GLG1: variants seen among roughly 807,000 people sequenced by gnomAD.
GLG1 encodes Golgi apparatus protein 1.
Under a neutral mutation model 160.5 loss-of-function variants are expected in GLG1, and 38 were observed. That is an observed-to-expected ratio of 0.24 (90% confidence interval 0.18 to 0.31). The LOEUF (loss-of-function observed/expected upper bound fraction) is 0.31, where lower values mean the gene tolerates loss of function less well. Ranked by LOEUF, GLG1 falls within the 10% of genes least tolerant of loss-of-function variation. The pLI is 1.00. For synonymous variants in GLG1, 644 were observed against 543.4 expected (o/e 1.19, Z -2.57); for missense variants, 1,373 against 1,505.2 (o/e 0.91, Z 1.45).
At chr16:74,520,353 G>A (rs770975553) in intron 2 of GLG1, among the ~76,000 whole-genome samples, 1 of 152,058 alleles carries the variant, frequency 6.6e-6, no homozygotes, top group African/African-American at 2.4e-5. Flanking sequence ...TTAAAAACAC[G>A]TGGCCGGAGA....
rs559454956 is a variant in GLG1 at position 74,555,803 on chromosome 16, G to A, written c.439-23650C>T. Among the ~76,000 whole-genome samples, 7 of 151,134 alleles carry A rather than the reference G, an allele frequency of 4.6e-5. No individual in the cohort carries two copies. In the East Asian group the frequency reaches 7.8e-4, roughly 17 times the overall value. On this transcript the variant is annotated intron_variant, in intron 1 of 25. Transcript: ENST00000422840. ...AAATCAAGTCACTAAGTCACACAAA[G>A]ACAATTATAGCTGGTGATAATTCAT...
At chr16:74,560,651 T>C (rs2018486164) in intron 1 of GLG1, among the ~76,000 whole-genome samples, 1 of 152,104 alleles carries the variant, frequency 6.6e-6, no homozygotes, top group Non-Finnish European at 1.5e-5. Flanking sequence ...TAAAAACTCT[T>C]TATAAAAGGC....
At chr16:74,502,874 A>AT (rs1162220615) in intron 4 of GLG1, among the ~76,000 whole-genome samples, 1 of 149,204 alleles carries the variant, frequency 6.7e-6, no homozygotes, top group Admixed American at 6.7e-5. Context: ...CCGGCCAGTA[A>AT]TTTTTTTTAT....
intron 1 of GLG1, among the ~76,000 whole-genome samples, chr16:74,594,765 A>ACT: frequency 6.6e-6 from 1 of 152,142 alleles, no homozygotes; most frequent in Middle Eastern, 3.4e-3. Flanking sequence ...TTTGAGACAG[A>ACT]CTCTCACTCT....
chr16:74,562,803 T>G (rs1287613478), intron 1 of GLG1, among the ~76,000 whole-genome samples: 1 of 152,156 alleles, frequency 6.6e-6, no homozygotes, highest in Non-Finnish European at 1.5e-5. Flanking sequence ...ACCCACCCAC[T>G]GAGGACATTC....
At chr16:74,488,215 G>A (rs934025221) in intron 8 of GLG1, among the ~76,000 whole-genome samples, 6 of 152,018 alleles carry the variant, frequency 3.9e-5, no homozygotes, top group African/African-American at 1.5e-4. Context: ...AGGTATGGAA[G>A]TCTGCTGTAT....
At chr16:74,463,296 A>T in intron 20 of GLG1, 60 bp downstream of exon 20, 1 of 1,558,038 alleles carries the variant, frequency 6.4e-7, no homozygotes, top group Non-Finnish European at 8.8e-7. Flanking sequence ...GTCACTCTAC[A>T]GCCACTGAAT....
Position 74,545,754 on chromosome 16 carries a change from C to A in GLG1, c.439-13601G>T, listed in dbSNP as rs2018027616. Among the ~76,000 whole-genome samples, 8 of 152,314 alleles carry A rather than the reference C, an allele frequency of 5.3e-5. No homozygotes were observed. In the South Asian group the frequency reaches 1.7e-3, roughly 32 times the overall value. On this transcript the variant is annotated intron_variant, in intron 1 of 25. Coordinates refer to ENST00000422840, the MANE Select transcript of GLG1 (RefSeq NM_001145667.2). ...ATGCAGACATCTTTTAACATGCAAA[C>A]AAACCAAGAGGGTATTGGTTAACTA...
At chr16:74,563,789 T>C (rs1344204204) in intron 1 of GLG1, among the ~76,000 whole-genome samples, 1 of 151,766 alleles carries the variant, frequency 6.6e-6, no homozygotes, top group African/African-American at 2.4e-5. Context: ...ATATGCTCCA[T>C]AGCAGATTCT....
chr16:74,593,495 C>T (rs974942917), intron 1 of GLG1, among the ~76,000 whole-genome samples: 3 of 141,576 alleles, frequency 2.1e-5, no homozygotes, highest in Admixed American at 7.6e-5. Context: ...AGTGCAATAA[C>T]GCGATCTCCG....
chr16:74,493,956 C>T (rs1458320906), intron 6 of GLG1, among the ~76,000 whole-genome samples: 3 of 151,888 alleles, frequency 2.0e-5, no homozygotes, highest in Admixed American at 2.0e-4. Context: ...GGGTGGATCA[C>T]CTGAGGTCAG....
At chr16:74,478,471 C>A (rs1395927275) in intron 11 of GLG1, among the ~76,000 whole-genome samples, 1 of 152,032 alleles carries the variant, frequency 6.6e-6, no homozygotes, top group Non-Finnish European at 1.5e-5. Context: ...GAAAAAAAAG[C>A]CAGCATACCT....
intron 1 of GLG1, among the ~76,000 whole-genome samples, chr16:74,545,186 T>G (rs1484394556): frequency 6.6e-6 from 1 of 152,054 alleles, no homozygotes; most frequent in Non-Finnish European, 1.5e-5. Flanking sequence ...CACCAAGTAT[T>G]CTTGTTTTTG....
Position 74,467,762 on chromosome 16 carries a change from G to A in GLG1, c.2523C>T (p.Asn841=), listed in dbSNP as rs373580952. The A allele has an allele frequency of 1.6e-5, 25 of 1,599,310 alleles. No individual in the cohort carries two copies. In the African/African-American group the frequency reaches 2.1e-4, roughly 14 times the overall value. The stretch of plus-strand genomic sequence containing the variant: ...AAGAAAAGCAAAAAGTTACCTGAGC[G>A]TTGCCATATTGCACAGCGGAACAGA... The part of the protein sequence containing the change: ...KNFCSAVQYG[N]AQIIECLKEN... The change falls in exon 18 of 26, where the codon AAC becomes AAT. Residue 841 remains asparagine, a synonymous_variant. Coordinates refer to ENST00000422840, the MANE Select transcript of GLG1 (RefSeq NM_001145667.2).
Position 74,554,927 on chromosome 16 carries a change from G to T in GLG1, c.439-22774C>A, listed in dbSNP as rs1212786295. ...GTGCTTTAGGAGACTGAGGTGTGAG[G>T]ATTGCCAGAACCCAGGAGTTTGAGG... On this transcript the variant is annotated intron_variant, in intron 1 of 25. Coordinates refer to ENST00000422840, the MANE Select transcript of GLG1 (RefSeq NM_001145667.2). 2.6e-5 allele frequency among the ~76,000 whole-genome samples: 4 copies of T among 152,130 alleles called. No homozygotes were observed. The East Asian group carries it at 7.7e-4, about 29-fold the overall frequency.
At chr16:74,544,818 G>A (rs2143670873) in intron 1 of GLG1, among the ~76,000 whole-genome samples, 1 of 152,124 alleles carries the variant, frequency 6.6e-6, no homozygotes, top group Admixed American at 6.5e-5. Flanking sequence ...ACATCTGTAA[G>A]CCTAAGTGGA....
chr16:74,462,083 G>A lies in GLG1; in HGVS notation c.3036+11C>T, dbSNP rs1339422949. On this transcript the variant is annotated intron_variant, in intron 22 of 25. Coordinates refer to ENST00000422840, the MANE Select transcript of GLG1 (RefSeq NM_001145667.2). ...GCTCTGTGCGTAACCAGTTTTGCACGCAAATCCCACCTCGTCTGAGCAGTG... is the reference window on the plus strand; with the variant it reads ...GCTCTGTGCGTAACCAGTTTTGCACACAAATCCCACCTCGTCTGAGCAGTG... 14 of 1,482,864 alleles carry A rather than the reference G, an allele frequency of 9.4e-6. No homozygotes were observed. Among genetic ancestry groups the A allele is most frequent in the Admixed American group, 3.4e-5 (2 of 58,378 alleles). The allele number at this position is 1,482,864 out of a possible 1,614,324, so 91.9% of individuals were successfully genotyped here.
intron 2 of GLG1, among the ~76,000 whole-genome samples, chr16:74,521,891 C>T (rs1453132602): frequency 2.0e-5 from 3 of 152,152 alleles, no homozygotes; most frequent in Non-Finnish European, 1.5e-5. Flanking sequence ...CCTCAGGCCC[C>T]ATGGGAACCA....
intron 18 of GLG1, 146 bp from the exon 19 acceptor site, chr16:74,465,959 A>T: frequency 1.3e-6 from 1 of 757,088 alleles, no homozygotes; most frequent in South Asian, 1.7e-5. Context: ...TTTCCTTACC[A>T]AAGATAAGGA....
Sources: gnomAD v4.1 joint callset for allele counts (sites outside exome capture counted in the v4.1 genomes callset) on GRCh38, gnomAD v4.1.1 for gene constraint, MANE v1.5 for transcripts, NCBI Gene and HGNC (gene_info 2026-07-23, HGNC 2026-07-21) for gene names.